Variants in GALNT13 observed in about 807,000 individuals in gnomAD.
GALNT13 encodes polypeptide N-acetylgalactosaminyltransferase 13.
Under a neutral mutation model 64.2 loss-of-function variants are expected in GALNT13, and 28 were observed. The ratio of observed to expected loss-of-function variants is 0.44; its 90% confidence interval spans 0.32 to 0.60. The LOEUF (loss-of-function observed/expected upper bound fraction) is 0.60, where lower values mean the gene tolerates loss of function less well. Among genes scored for constraint, GALNT13 ranks in the 20% least tolerant of loss-of-function variants. The probability of loss-of-function intolerance (pLI) is 0.05; values close to 1 mark genes in which losing one functional copy is unlikely to be tolerated. For missense variants in GALNT13, 577 were observed against 669.8 expected, an observed-to-expected ratio of 0.86 and a Z score of 1.53; for synonymous variants, 214 against 224.6, an observed-to-expected ratio of 0.95 and a Z score of 0.42.
At chr2:153,743,715 T>G in the GALNT13 span, among the ~76,000 whole-genome samples, 1 of 152,132 alleles carries the variant, frequency 6.6e-6, no homozygotes, top group Non-Finnish European at 1.5e-5. Flanking sequence ...AAATGTACAA[T>G]TAAGTTATTA....
intron 3 of GALNT13, among the ~76,000 whole-genome samples, chr2:154,119,216 C>T (rs566090705): frequency 6.6e-5 from 10 of 152,174 alleles, no homozygotes; most frequent in East Asian, 1.9e-4. Flanking sequence ...ATTCCTCATT[C>T]GCAGTTTTCT....
chr2:153,689,070 A>ATGTG, the GALNT13 span, among the ~76,000 whole-genome samples: 1,478 of 127,768 alleles, frequency 0.012, 25 homozygotes, highest in African/African-American at 0.034. Context: ...CCGCGTGTGT[A>ATGTG]TGTGTGTGTG....
chr2:153,765,364 A>G, the GALNT13 span, among the ~76,000 whole-genome samples: 2 of 152,190 alleles, frequency 1.3e-5, no homozygotes, highest in South Asian at 2.1e-4. Flanking sequence ...CATAGAGTCA[A>G]AGTAGATCAT....
chr2:153,611,909 A>G, the GALNT13 span, among the ~76,000 whole-genome samples: 1 of 135,546 alleles, frequency 7.4e-6, no homozygotes, highest in East Asian at 2.2e-4. Flanking sequence ...CCCTGTGTCC[A>G]TGTGTTCTCA....
intron 9 of GALNT13, among the ~76,000 whole-genome samples, chr2:154,365,049 G>A (rs1393796550): frequency 6.6e-6 from 1 of 152,146 alleles, no homozygotes. Flanking sequence ...GCACCTACTA[G>A]ACAAACTAGT....
At chr2:154,233,622 C>G (rs1239270479) in intron 4 of GALNT13, among the ~76,000 whole-genome samples, 1 of 152,192 alleles carries the variant, frequency 6.6e-6, no homozygotes, top group Non-Finnish European at 1.5e-5. Context: ...ATAAAACACA[C>G]AGCACAATAC....
chr2:153,551,766 A>G, the GALNT13 span, among the ~76,000 whole-genome samples: 5 of 152,196 alleles, frequency 3.3e-5, no homozygotes, highest in African/African-American at 1.2e-4. Context: ...TCTATGTCAG[A>G]GCATAGATGT....
At chr2:153,440,111 C>A in the GALNT13 span, among the ~76,000 whole-genome samples, 5 of 152,156 alleles carry the variant, frequency 3.3e-5, no homozygotes, top group Middle Eastern at 0.01. Context: ...AGCCCCCCAC[C>A]CCCAACAGGC....
the GALNT13 span, among the ~76,000 whole-genome samples, chr2:153,657,974 G>C: frequency 2.0e-5 from 3 of 152,062 alleles, no homozygotes; most frequent in Non-Finnish European, 4.4e-5. Context: ...GCCTTCTGCA[G>C]CATAGGGTTG....
At chr2:153,424,156 T>C in the GALNT13 span, among the ~76,000 whole-genome samples, 1 of 150,730 alleles carries the variant, frequency 6.6e-6, no homozygotes, top group Non-Finnish European at 1.5e-5. Flanking sequence ...TAAATGATTC[T>C]GGGTCAATTG....
At chr2:153,982,933 G>T (rs1157815468) in intron 3 of GALNT13, among the ~76,000 whole-genome samples, 1 of 151,884 alleles carries the variant, frequency 6.6e-6, no homozygotes, top group Non-Finnish European at 1.5e-5. Flanking sequence ...AAGGTGCTGA[G>T]AATTTTTGTT....
intron 3 of GALNT13, among the ~76,000 whole-genome samples, chr2:154,091,899 A>G (rs66537914): frequency 0.031 from 4,781 of 151,888 alleles, 108 homozygotes; most frequent in South Asian, 0.088. Flanking sequence ...ATAGTCAAAA[A>G]CTAAATAGAT....
chr2:153,893,149 TG>T (rs1687663247), intron 1 of GALNT13, among the ~76,000 whole-genome samples: 1 of 152,040 alleles, frequency 6.6e-6, no homozygotes, highest in Non-Finnish European at 1.5e-5. Context: ...AGAGCATAAA[TG>T]TGCCAATAGC....
chr2:153,102,990 G>A, the GALNT13 span, among the ~76,000 whole-genome samples: 3 of 152,026 alleles, frequency 2.0e-5, no homozygotes, highest in African/African-American at 7.2e-5. Flanking sequence ...CTGAAGCACA[G>A]CCCAGGGTAT....
intron 3 of GALNT13, among the ~76,000 whole-genome samples, chr2:154,068,699 G>A (rs1314280179): frequency 6.6e-6 from 1 of 151,972 alleles, no homozygotes; most frequent in Non-Finnish European, 1.5e-5. Flanking sequence ...GAGAGAGAGT[G>A]GAATGATGAT....
At chr2:153,984,684 A>G (rs1157711045) in intron 3 of GALNT13, among the ~76,000 whole-genome samples, 3 of 151,840 alleles carry the variant, frequency 2.0e-5, no homozygotes, top group Non-Finnish European at 4.4e-5. Context: ...TATAAGCAAC[A>G]TGATGCCCTC....
chr2:153,403,581 C>T, the GALNT13 span, among the ~76,000 whole-genome samples: 10 of 152,218 alleles, frequency 6.6e-5, no homozygotes, highest in East Asian at 1.9e-4. Flanking sequence ...ATCAGCGAGA[C>T]TCCCTGGGCG....
intron 7 of GALNT13, among the ~76,000 whole-genome samples, chr2:154,254,250 A>G (rs980814316): frequency 6.6e-6 from 1 of 152,196 alleles, no homozygotes; most frequent in Non-Finnish European, 1.5e-5. Flanking sequence ...GGAAATAGTT[A>G]AAGGGGGTTG....
chr2:153,309,962 A>G, the GALNT13 span, among the ~76,000 whole-genome samples: 153 of 152,250 alleles, frequency 1.0e-3, no homozygotes, highest in South Asian at 4.2e-3. Context: ...AATCCTTAGT[A>G]AAAACACTGG....
Sources: gnomAD v4.1 joint callset for allele counts (sites outside exome capture counted in the v4.1 genomes callset) on GRCh38, gnomAD v4.1.1 for gene constraint, MANE v1.5 for transcripts, NCBI Gene and HGNC (gene_info 2026-07-23, HGNC 2026-07-21) for gene names.